The following FGF13 variants were observed in gnomAD, a reference collection of about 807,000 sequenced individuals.
FGF13 encodes fibroblast growth factor 13, also known as fibroblast growth factor homologous factor 2.
A neutral mutation model predicts 19.5 loss-of-function variants in FGF13; 2 were observed. The ratio of observed to expected loss-of-function variants is 0.10; its 90% CI spans 0.04 to 0.32. The LOEUF is 0.32. Among genes scored for constraint, FGF13 ranks in the 10% least tolerant of loss-of-function variants. The pLI is 1.00. For missense variants in FGF13, 113 were observed against 192.7 expected (o/e 0.59, Z 2.45); for synonymous variants, 72 against 76.9 (o/e 0.94, Z 0.33).
intron 1 of FGF13, among the ~76,000 whole-genome samples, chrX:138,994,277 T>C (rs1220919110): frequency 9.0e-6 from 1 of 111,155 alleles, no homozygotes; most frequent in Non-Finnish European, 1.9e-5. Flanking sequence ...GAGGAAGCTC[T>C]GGTCTCTCTT....
rs1382069807 is a variant in FGF13, at chrX:138,617,134, T to C, written c.*15716A>G. The C allele has an allele frequency of 3.6e-5, 4 of 111,843 alleles. No individual in the cohort carries two copies. Among genetic ancestry groups the C allele is most frequent in the Non-Finnish European group, 5.6e-5 (3 of 53,233 alleles). 9.2% of individuals were successfully genotyped at this position (111,843 alleles called of 1,213,427 possible). A position where few individuals can be genotyped will look rare whatever the true frequency, so the allele number is the denominator to read the frequency against. ...AATATTCTATATCTTGAAAGGAGTT[T>C]CTGTTACATGGTGCACGCATTTGTC... On this transcript the variant is annotated 3_prime_UTR_variant, in exon 5 of 5. Transcript: ENST00000315930.
At chrX:138,969,878 T>C (rs186187915) in intron 1 of FGF13, among the ~76,000 whole-genome samples, 2 of 112,012 alleles carry the variant, frequency 1.8e-5, no homozygotes, top group African/African-American at 3.2e-5. Flanking sequence ...CTGTTTTTGA[T>C]TGGCTGACTC....
chrX:138,673,385 C>T (rs1246160314), intron 3 of FGF13, among the ~76,000 whole-genome samples: 1 of 110,483 alleles, frequency 9.1e-6, no homozygotes, highest in Non-Finnish European at 1.9e-5. Context: ...GACTCTTCCA[C>T]CCTAGTCTTT....
chrX:138,712,500 C>A (rs2090064579), upstream of FGF13, among the ~76,000 whole-genome samples: 4 of 111,179 alleles, frequency 3.6e-5, no homozygotes, highest in South Asian at 1.5e-3. Context: ...AGTCAGGCAG[C>A]CTCCTTCCCT....
intron 3 of FGF13, among the ~76,000 whole-genome samples, chrX:138,827,142 G>T (rs1242735854): frequency 8.9e-6 from 1 of 112,191 alleles, no homozygotes; most frequent in South Asian, 3.7e-4. Flanking sequence ...ATAGAAAAAG[G>T]CATTGAGAAG....
chrX:138,894,776 A>G (rs1232693271), intron 1 of FGF13, among the ~76,000 whole-genome samples: 5 of 111,876 alleles, frequency 4.5e-5, no homozygotes, highest in Non-Finnish European at 9.4e-5. Context: ...TATTCCAATC[A>G]ATAGAAAAAG....
chrX:138,860,931 A>G (rs1364394055), intron 2 of FGF13, among the ~76,000 whole-genome samples: 1 of 112,557 alleles, frequency 8.9e-6, no homozygotes, highest in African/African-American at 3.2e-5. Flanking sequence ...AGTGCAGAGT[A>G]GGAGGACACA....
chrX:138,788,283 C>T (rs1457448750), intron 3 of FGF13, among the ~76,000 whole-genome samples: 1 of 112,168 alleles, frequency 8.9e-6, no homozygotes, highest in Admixed American at 9.4e-5. Context: ...AAGGCAAATT[C>T]CATGAGATCT....
At chrX:138,943,786 A>G (rs988206477) in intron 1 of FGF13, among the ~76,000 whole-genome samples, 8 of 111,476 alleles carry the variant, frequency 7.2e-5, no homozygotes, top group Non-Finnish European at 1.5e-4. Flanking sequence ...ATTCCATGCT[A>G]TTTTCACCTC....
At chrX:138,777,984 A>AT (rs1168303099) in intron 3 of FGF13, among the ~76,000 whole-genome samples, 1 of 111,965 alleles carries the variant, frequency 8.9e-6, no homozygotes, top group African/African-American at 3.2e-5. Flanking sequence ...ATTGATAAGG[A>AT]TTTTAAAGCA....
chrX:138,623,852 G>A lies in FGF13; in HGVS notation c.*8998C>T, dbSNP rs1269644599. Reference sequence around the variant, plus strand: ...ATCCCATTTGCAATTGCATCAAAAAGGAAAATGTACTTAGGAATAAGTTTA... The same window carrying A: ...ATCCCATTTGCAATTGCATCAAAAAAGAAAATGTACTTAGGAATAAGTTTA... On this transcript the variant is annotated 3_prime_UTR_variant, in exon 5 of 5. Coordinates refer to ENST00000315930, the MANE Select transcript of FGF13 (RefSeq NM_004114.5). 1 of 110,977 alleles carries A rather than the reference G, an allele frequency of 9.0e-6. No individual in the cohort carries two copies. The highest frequency in any genetic ancestry group is 1.9e-5 in the Non-Finnish European group (1 of 52,906). 9.1% of individuals were successfully genotyped at this position (110,977 alleles called of 1,213,427 possible). A position where few individuals can be genotyped will look rare whatever the true frequency, so the allele number is the denominator to read the frequency against.
intron 1 of FGF13, among the ~76,000 whole-genome samples, chrX:138,954,119 AGAG>A (rs2091829441): frequency 1.8e-5 from 2 of 109,325 alleles, no homozygotes; most frequent in South Asian, 7.9e-4. Context: ...AGAGAGAGAG[AGAG>A]GAGAGAGCAT....
At chrX:139,147,697 T>A (rs1184747452) in intron 1 of FGF13, among the ~76,000 whole-genome samples, 1 of 111,432 alleles carries the variant, frequency 9.0e-6, no homozygotes, top group Admixed American at 9.6e-5. Flanking sequence ...AGTAGCTGCA[T>A]CATTTCAATC....
intron 1 of FGF13, among the ~76,000 whole-genome samples, chrX:139,202,971 A>G (rs1208307372): frequency 8.9e-6 from 1 of 111,772 alleles, no homozygotes; most frequent in Non-Finnish European, 1.9e-5. Context: ...CACCTAAGGC[A>G]CCTGCTGTTC....
chrX:138,967,609 T>G, intron 1 of FGF13, among the ~76,000 whole-genome samples: 1 of 110,577 alleles, frequency 9.0e-6, no homozygotes, highest in Non-Finnish European at 1.9e-5. Flanking sequence ...GAGGGTGGAT[T>G]AAGACACCAG....
exon 1 of FGF13, chrX:138,739,287 T>A (rs2090303027): frequency 8.4e-7 from 1 of 1,196,231 alleles, no homozygotes; most frequent in Admixed American, 2.2e-5. Context: ...TATAAGCTGG[T>A]CCTACCCAGA....
rs766630248 is a variant in FGF13, at chrX:139,152,457, T to G, written c.-113+50959A>C. 7.8e-5 allele frequency among the ~76,000 whole-genome samples: 8 copies of G among 102,167 alleles called. No individual in the cohort carries two copies. The South Asian group carries it at 3.1e-3, about 40-fold the overall frequency. The allele number at this position is 102,167 out of a possible 115,157, so 88.7% of individuals were successfully genotyped here. A position where few individuals can be genotyped will look rare whatever the true frequency, so the allele number is the denominator to read the frequency against. On this transcript the variant is annotated intron_variant, in intron 1 of 2. Transcript: ENST00000421460. Reference sequence around the variant, plus strand: ...AACCTGAAAACATTATAAAAGGGACTCTGGTTCTAGAGCCCGATCAAGCAC... The same window carrying G: ...AACCTGAAAACATTATAAAAGGGACGCTGGTTCTAGAGCCCGATCAAGCAC...
chrX:139,153,459 G>T (rs1036341187), intron 1 of FGF13, among the ~76,000 whole-genome samples: 1 of 110,732 alleles, frequency 9.0e-6, no homozygotes, highest in Non-Finnish European at 1.9e-5. Flanking sequence ...CTCTCCCCTA[G>T]ACCTCAGTTG....
chrX:138,796,692 T>C (rs771309385), intron 3 of FGF13, among the ~76,000 whole-genome samples: 1 of 110,332 alleles, frequency 9.1e-6, no homozygotes, highest in African/African-American at 3.3e-5. Context: ...CCACCAACAG[T>C]GTATTTCTCT....
Sources: allele counts gnomAD v4.1 joint callset (sites outside exome capture counted in the v4.1 genomes callset), GRCh38; gene constraint gnomAD v4.1.1; transcripts MANE v1.5; gene names NCBI Gene and HGNC (gene_info 2026-07-23, HGNC 2026-07-21).